GTPBP1: variants seen among roughly 807,000 people sequenced by gnomAD.
GTPBP1 encodes GTP-binding protein 1.
A neutral mutation model predicts 62.0 loss-of-function variants in GTPBP1; 23 were observed. That is an observed-to-expected ratio of 0.37 (90% confidence interval 0.27 to 0.53). The LOEUF (loss-of-function observed/expected upper bound fraction) is 0.53, where lower values mean the gene tolerates loss of function less well. GTPBP1 is among the 20% of genes least tolerant of loss of function. GTPBP1 has a pLI of 0.89. For missense variants in GTPBP1, 640 were observed against 917.3 expected, an observed-to-expected ratio of 0.70 and a Z score of 3.90; for synonymous variants, 344 against 364.4, an observed-to-expected ratio of 0.94 and a Z score of 0.64.
chr22:38,714,063 A>G (rs1242893617), intron 2 of GTPBP1, among the ~76,000 whole-genome samples: 1 of 152,222 alleles, frequency 6.6e-6, no homozygotes, highest in Non-Finnish European at 1.5e-5. Context: ...GAGGCACATC[A>G]GGAGAGGTCA....
downstream of GTPBP1, chr22:38,742,180 T>G: frequency 1.5e-5 from 19 of 1,228,866 alleles, no homozygotes; most frequent in South Asian, 1.4e-4. Flanking sequence ...AGAAAGGGAG[T>G]AACTGCAAAA....
At chr22:38,733,659 G>C (rs2092776284), downstream of GTPBP1, 1 of 152,444 alleles carries the variant, frequency 6.6e-6, no homozygotes, top group Admixed American at 6.5e-5. Context: ...GGCCTGTGAT[G>C]GTGGGATGGG....
chr22:38,714,702 G>T (rs773855372), intron 2 of GTPBP1, among the ~76,000 whole-genome samples: 22 of 151,944 alleles, frequency 1.4e-4, no homozygotes, highest in Non-Finnish European at 2.9e-4. Context: ...TTAGGAGCTT[G>T]TTTGGAGTGG....
In GTPBP1 at chr22:38,727,277, C is replaced by T. The variant is rs766696315; in HGVS notation, c.1466C>T (p.Ser489Phe). ...TCCCCACGTTTGAATCCCCAAGCCT[C>T]CTGGGAGTTTGAGGCCGAGATTCTC... is the stretch of plus-strand genomic sequence containing the variant. ...MVSPRLNPQA[S>F]WEFEAEILVL... Residue 489 changes from serine to phenylalanine, a missense_variant, in exon 9 of 12, where the codon TCC becomes TTC. Around this residue, in one of 4 missense-constraint regions of GTPBP1, gnomAD observed 220 missense variants for 358.1 expected, o/e 0.61. Transcript: ENST00000216044. This position sits in a 1 kb window ranked among gnomAD's most constrained non-coding sequence, Gnocchi z 6.5. 1.2e-6 allele frequency: 2 copies of T among 1,602,946 alleles called. No individual in the cohort carries two copies. The highest frequency in any genetic ancestry group is 1.7e-5 in the Admixed American group (1 of 58,964).
At position 38,716,097 on chromosome 22, in the gene GTPBP1, C is replaced by T; in HGVS notation, c.485+10C>T. 6.4e-7 allele frequency: 1 copy of T among 1,568,182 alleles called. No homozygotes were observed. Among genetic ancestry groups the T allele is most frequent in the East Asian group, 2.4e-5 (1 of 41,776 alleles). On this transcript the variant is annotated intron_variant, in intron 3 of 11. Transcript: ENST00000216044. The surrounding 1 kb of genome is among the most constrained non-coding windows in gnomAD (Gnocchi z 5.2). ...ACTTCCTGGAGGTCAGGTGAGGAGG[C>T]CGCGGGACATTTTGGGGTCCCCATT...
At chr22:38,736,396 A>G (rs748508144), downstream of GTPBP1, 137 of 1,600,162 alleles carry the variant, frequency 8.6e-5, no homozygotes, top group Non-Finnish European at 1.1e-4. Context: ...TAGAGAAGAA[A>G]GGGATTAAGA....
In GTPBP1 at chr22:38,726,604, T is replaced by C. The variant is rs1480325364; in HGVS notation, c.1401+164T>C. ...AACTGAGGCTCAGAGCCCAGGGACTTGCCCAAGACACACAGCTTGTAAGTG... is the reference window on the plus strand; with the variant it reads ...AACTGAGGCTCAGAGCCCAGGGACTCGCCCAAGACACACAGCTTGTAAGTG... On this transcript the variant is annotated intron_variant, in intron 8 of 11. Coordinates refer to ENST00000216044, the MANE Select transcript of GTPBP1 (RefSeq NM_004286.5). The surrounding 1 kb of genome is among the most constrained non-coding windows in gnomAD (Gnocchi z 4.1). 6.6e-6 allele frequency among the ~76,000 whole-genome samples: 1 copy of C among 152,210 alleles called. No individual in the cohort carries two copies. Among genetic ancestry groups the C allele is most frequent in the Non-Finnish European group, 1.5e-5 (1 of 68,034 alleles).
chr22:38,716,161 G>T lies in GTPBP1; in HGVS notation c.485+74G>T, dbSNP rs947932996. ...GGTGACTGAGCCTGTGGCACTTGGCGTGTCAGCTCCATCCTTTCCCCTCCT... is the reference window on the plus strand; with the variant it reads ...GGTGACTGAGCCTGTGGCACTTGGCTTGTCAGCTCCATCCTTTCCCCTCCT... On this transcript the variant is annotated intron_variant, in intron 3 of 11. Transcript: ENST00000216044. This position sits in a 1 kb window ranked among gnomAD's most constrained non-coding sequence, Gnocchi z 5.2. The T allele has an allele frequency of 8.2e-7, 1 of 1,217,448 alleles. No individual in the cohort carries two copies. Among genetic ancestry groups the T allele is most frequent in the African/African-American group, 1.5e-5 (1 of 66,112 alleles). 75.4% of individuals were successfully genotyped at this position (1,217,448 alleles called of 1,614,324 possible). A position where few individuals can be genotyped will look rare whatever the true frequency, so the allele number is the denominator to read the frequency against.
At chr22:38,738,447 G>C, downstream of GTPBP1, 1 of 1,244,376 alleles carries the variant, frequency 8.0e-7, no homozygotes, top group South Asian at 1.4e-5. The surrounding 1 kb of genome is among the most constrained non-coding windows in gnomAD (Gnocchi z 6.6). Context: ...CTGAAGTGCT[G>C]TCTCCCACCC....
chr22:38,738,734 G>A, downstream of GTPBP1: 1 of 1,613,576 alleles, frequency 6.2e-7, no homozygotes, highest in Non-Finnish European at 8.5e-7. This position sits in a 1 kb window ranked among gnomAD's most constrained non-coding sequence, Gnocchi z 6.6. Context: ...AGGCCCAGCA[G>A]TTGCCTGGGT....
downstream of GTPBP1, chr22:38,739,744 CCTT>C (rs767073187): frequency 1.2e-5 from 19 of 1,613,682 alleles, no homozygotes; most frequent in African/African-American, 2.7e-5. This position sits in a 1 kb window ranked among gnomAD's most constrained non-coding sequence, Gnocchi z 6.7. Flanking sequence ...TCCAATCACA[CCTT>C]CTTTCTGCAG....
intron 6 of GTPBP1, among the ~76,000 whole-genome samples, chr22:38,724,784 T>C (rs2092718668): frequency 6.6e-6 from 1 of 152,220 alleles, no homozygotes; most frequent in Non-Finnish European, 1.5e-5. Flanking sequence ...GCCTGGCTGA[T>C]GGATGGTAAA....
chr22:38,739,291 G>C (rs551621045), downstream of GTPBP1: 1 of 1,579,530 alleles, frequency 6.3e-7, no homozygotes, highest in Admixed American at 1.7e-5. The surrounding 1 kb of genome is among the most constrained non-coding windows in gnomAD (Gnocchi z 6.7). Flanking sequence ...CCAGGGGACC[G>C]GCCATTGCGG....
chr22:38,740,978 G>C, downstream of GTPBP1: 1 of 1,577,938 alleles, frequency 6.3e-7, no homozygotes, highest in East Asian at 2.3e-5. The surrounding 1 kb of genome is among the most constrained non-coding windows in gnomAD (Gnocchi z 4.8). Flanking sequence ...GGGAGGAGCA[G>C]GCCGAGGCCA....
downstream of GTPBP1, chr22:38,734,582 C>G (rs546785582): frequency 1.2e-5 from 3 of 248,842 alleles, no homozygotes; most frequent in South Asian, 1.1e-4. Context: ...TCCCCCACCA[C>G]AACTGGGCTT....
chr22:38,723,361 G>A, intron 5 of GTPBP1: 1 of 849,746 alleles, frequency 1.2e-6, no homozygotes, highest in Non-Finnish European at 2.0e-6. Flanking sequence ...TTGCTTGACT[G>A]GAACCAGACC....
At chr22:38,739,590 A>C (rs1049243718), downstream of GTPBP1, 2 of 1,309,204 alleles carry the variant, frequency 1.5e-6, no homozygotes, top group African/African-American at 2.9e-5. This position sits in a 1 kb window ranked among gnomAD's most constrained non-coding sequence, Gnocchi z 6.7. Context: ...TGCCAGCCCC[A>C]CAGCATGCAA....
At position 38,706,108 on chromosome 22, in the gene GTPBP1, G is replaced by C; in HGVS notation, c.153G>C (p.Glu51Asp). Residue 51 changes from glutamate to aspartate, a missense_variant, in exon 1 of 12, where the codon GAG (glutamate) becomes GAC (aspartate). Glu to Asp is a conservative substitution (Grantham distance 45). Coordinates refer to ENST00000216044, the MANE Select transcript of GTPBP1 (RefSeq NM_004286.5). ...ACTCGGACTGCAGCGAGGACGGCGA[G>C]GCGCTCAACGGCGAGCCAGAGCTGG... ...GFDSDCSEDG[E>D]ALNGEPELDL... 1 of 1,306,206 alleles carries C rather than the reference G, an allele frequency of 7.7e-7. No individual in the cohort carries two copies. Among genetic ancestry groups the C allele is most frequent in the Non-Finnish European group, 9.7e-7 (1 of 1,026,546 alleles). The allele number at this position is 1,306,206 out of a possible 1,614,324, so 80.9% of individuals were successfully genotyped here.
chr22:38,742,602 T>C (rs571195798), downstream of GTPBP1: 15 of 1,567,030 alleles, frequency 9.6e-6, 1 homozygote, highest in Admixed American at 1.1e-4. Flanking sequence ...CCTTGGATGA[T>C]AGTGCTTCCC....
Sources: allele counts gnomAD v4.1 joint callset (sites outside exome capture counted in the v4.1 genomes callset), GRCh38; gene constraint gnomAD v4.1.1; regional missense constraint gnomAD v4.1.1; non-coding constraint Gnocchi (gnomAD v3.1); transcripts MANE v1.5; gene names NCBI Gene and HGNC (gene_info 2026-07-23, HGNC 2026-07-21).